KCNQ1: variants seen among roughly 807,000 people sequenced by gnomAD.
KCNQ1 encodes potassium voltage-gated channel subfamily KQT member 1.
KCNQ1 carries 49 observed loss-of-function variants against 72.4 expected under a neutral mutation model. That is an observed-to-expected ratio of 0.68 (90% confidence interval 0.54 to 0.86). The LOEUF (loss-of-function observed/expected upper bound fraction) is 0.86. KCNQ1 is among the 40% of genes least tolerant of loss of function. The pLI, the probability that KCNQ1 is intolerant of heterozygous loss-of-function variation, is 0.00. For synonymous variants in KCNQ1, 450 were observed against 412.6 expected, an observed-to-expected ratio of 1.09 and a Z score of -1.10; for missense variants, 790 against 945.1, an observed-to-expected ratio of 0.84 and a Z score of 2.15.
Position 2,551,726 on chromosome 11 carries a change from C to T in KCNQ1, c.478-18902C>T, listed in dbSNP as rs114394969. 4.5e-3 allele frequency among the ~76,000 whole-genome samples: 681 copies of T among 152,344 alleles called. 17 individuals carry two copies. Among genetic ancestry groups the T allele is most frequent in the Admixed American group, 0.04 (609 of 15,304 alleles). ...GTTTTCCACTCTTACCATCAATGTA[C>T]GAGCATTCTGGCTCCTATGGATTCT... On this transcript the variant is annotated intron_variant, in intron 2 of 15. Coordinates refer to ENST00000155840, the MANE Select transcript of KCNQ1 (RefSeq NM_000218.3).
intron 2 of KCNQ1, among the ~76,000 whole-genome samples, chr11:2,535,443 C>T (rs999030888): frequency 6.6e-6 from 1 of 152,256 alleles, no homozygotes; most frequent in Non-Finnish European, 1.5e-5. Context: ...CTTGAAGCCA[C>T]TGCCCTGTGG....
intron 11 of KCNQ1, among the ~76,000 whole-genome samples, chr11:2,753,931 G>C (rs1846262574): frequency 6.6e-6 from 1 of 152,208 alleles, no homozygotes; most frequent in African/African-American, 2.4e-5. Flanking sequence ...GATAAGGGAT[G>C]TGTATCCAGA....
chr11:2,823,262 T>C (rs1847774999), intron 15 of KCNQ1, among the ~76,000 whole-genome samples: 1 of 152,156 alleles, frequency 6.6e-6, no homozygotes, highest in Non-Finnish European at 1.5e-5. Flanking sequence ...TAGAGAAAAT[T>C]TATGAAGAGA....
chr11:2,534,320 G>A (rs1317989385), intron 2 of KCNQ1, among the ~76,000 whole-genome samples: 4 of 152,244 alleles, frequency 2.6e-5, no homozygotes, highest in Non-Finnish European at 1.5e-5. Flanking sequence ...CTCTGATGAG[G>A]AGCCTGCTCT....
In KCNQ1 at chr11:2,620,133, T is replaced by C; in HGVS notation, c.1393+31279T>C. 2.5e-6 allele frequency: 1 copy of C among 397,944 alleles called. No individual in the cohort carries two copies. Among genetic ancestry groups the C allele is most frequent in the Middle Eastern group, 6.3e-4 (1 of 1,584 alleles). 24.7% of individuals were successfully genotyped at this position (397,944 alleles called of 1,614,324 possible). On this transcript the variant is annotated intron_variant, in intron 10 of 15. Transcript: ENST00000155840. The surrounding 1 kb of genome is among the most constrained non-coding windows in gnomAD (Gnocchi z 4.5). ...AGTATTTGGTTTTCTGTTCCTGCAT[T>C]AATTTGCTTAAGATAGTGGCCTCTA...
chr11:2,731,664 C>G (rs545840838), intron 11 of KCNQ1, among the ~76,000 whole-genome samples: 1 of 152,216 alleles, frequency 6.6e-6, no homozygotes, highest in Non-Finnish European at 1.5e-5. Context: ...GAATCACCCC[C>G]AGCAGCGCAC....
At position 2,517,997 on chromosome 11, in the gene KCNQ1, A is replaced by G. The variant is rs577852218; in HGVS notation, c.387-9931A>G. On this transcript the variant is annotated intron_variant, in intron 1 of 15. Transcript: ENST00000155840. The stretch of plus-strand genomic sequence containing the variant: ...TCTAAGGAGCCTAACTCACTTCCAG[A>G]TTCACCCGGAGGCCTGCATGGAGGA... Among the ~76,000 whole-genome samples the G allele has an allele frequency of 3.1e-4, 47 of 152,336 alleles. No individual in the cohort carries two copies. In the South Asian group the frequency reaches 9.7e-3, roughly 32 times the overall value.
rs998229949 is a variant in KCNQ1, at chr11:2,463,230, T to C, written c.386+17746T>C. Among the ~76,000 whole-genome samples the C allele has an allele frequency of 5.9e-5, 9 of 152,138 alleles. No homozygotes were observed. Among genetic ancestry groups the C allele is most frequent in the African/African-American group, 2.2e-4 (9 of 41,404 alleles). On this transcript the variant is annotated intron_variant, in intron 1 of 15. Transcript: ENST00000155840. This position sits in a 1 kb window ranked among gnomAD's most constrained non-coding sequence, Gnocchi z 7.0. ...GGGACCATTGACTTTACTGTGTGCCTGGAGAGCCTAATCCCTACCTGCCAG... is the reference window on the plus strand; with the variant it reads ...GGGACCATTGACTTTACTGTGTGCCCGGAGAGCCTAATCCCTACCTGCCAG...
rs1848919751 is a variant in KCNQ1 at position 2,608,557 on chromosome 11, C to T, written c.1393+19703C>T. 1 of 398,452 alleles carries T rather than the reference C, an allele frequency of 2.5e-6. No homozygotes were observed. The highest frequency in any genetic ancestry group is 1.3e-4 in the South Asian group (1 of 7,862). The allele number at this position is 398,452 out of a possible 1,614,324, so 24.7% of individuals were successfully genotyped here. On this transcript the variant is annotated intron_variant, in intron 10 of 15. Transcript: ENST00000155840. This position sits in a 1 kb window ranked among gnomAD's most constrained non-coding sequence, Gnocchi z 4.6. ...GTGGTGTAATCATAGCTCACTGTAA[C>T]CTCGATCTCCTAGTCTCAAGTGATC...
At chr11:2,490,096 C>G (rs1846809701) in intron 1 of KCNQ1, among the ~76,000 whole-genome samples, 1 of 152,192 alleles carries the variant, frequency 6.6e-6, no homozygotes, top group Non-Finnish European at 1.5e-5. Context: ...GACTGAAGAG[C>G]CCTCAGGCCT....
At chr11:2,760,637 C>A (rs764689980) in intron 11 of KCNQ1, among the ~76,000 whole-genome samples, 7 of 152,162 alleles carry the variant, frequency 4.6e-5, no homozygotes, top group Non-Finnish European at 1.0e-4. Context: ...GCACCAGCCC[C>A]GGGCCCTCAG....
At chr11:2,586,255 G>A (rs1366722855) in intron 8 of KCNQ1, among the ~76,000 whole-genome samples, 1 of 152,200 alleles carries the variant, frequency 6.6e-6, no homozygotes, top group Non-Finnish European at 1.5e-5. Context: ...TGCAGTCCTC[G>A]TGAGCTCGCT....
rs1157414208 is a variant in KCNQ1, at chr11:2,664,780, G to A, written c.1514+2699G>A. 1 of 398,646 alleles carries A rather than the reference G, an allele frequency of 2.5e-6. No individual in the cohort carries two copies. The highest frequency in any genetic ancestry group is 2.1e-5 in the African/African-American group (1 of 48,632). 24.7% of individuals were successfully genotyped at this position (398,646 alleles called of 1,614,324 possible). A position where few individuals can be genotyped will look rare whatever the true frequency, so the allele number is the denominator to read the frequency against. On this transcript the variant is annotated intron_variant, in intron 11 of 15. Coordinates refer to ENST00000155840, the MANE Select transcript of KCNQ1 (RefSeq NM_000218.3). This position sits in a 1 kb window ranked among gnomAD's most constrained non-coding sequence, Gnocchi z 5.1. ...GTCTCACAGGGGGCAGAGTGGGTGG[G>A]AGGCAGTTACCAAAAAACATTTCCA...
chr11:2,681,116 C>T (rs565554114), intron 11 of KCNQ1: 18 of 398,486 alleles, frequency 4.5e-5, no homozygotes, highest in South Asian at 1.3e-4. Flanking sequence ...AGATGCCCCC[C>T]AAAAAAGCAC....
intron 15 of KCNQ1, among the ~76,000 whole-genome samples, chr11:2,779,181 G>A (rs935237967): frequency 2.6e-5 from 4 of 152,170 alleles, no homozygotes; most frequent in South Asian, 2.1e-4. Flanking sequence ...GGGAGATAGC[G>A]CCCATCTGGC....
At position 2,498,611 on chromosome 11, in the gene KCNQ1, C is replaced by T. The variant is rs1188041425; in HGVS notation, c.387-29317C>T. On this transcript the variant is annotated intron_variant, in intron 1 of 15. Transcript: ENST00000155840. The surrounding 1 kb of genome is among the most constrained non-coding windows in gnomAD (Gnocchi z 4.8). ...AGAATTTGAAGCCAGTGGTTCTTAG[C>T]TTGCTGGGCTCCATGGGAGTGGGAC... Among the ~76,000 whole-genome samples the T allele has an allele frequency of 6.6e-6, 1 of 152,230 alleles. No individual in the cohort carries two copies. Among genetic ancestry groups the T allele is most frequent in the Non-Finnish European group, 1.5e-5 (1 of 68,032 alleles).
chr11:2,516,703 G>A lies in KCNQ1; in HGVS notation c.387-11225G>A, dbSNP rs946322246. Among the ~76,000 whole-genome samples, 20 of 152,156 alleles carry A rather than the reference G, an allele frequency of 1.3e-4. No individual in the cohort carries two copies. Among genetic ancestry groups the A allele is most frequent in the African/African-American group, 4.8e-4 (20 of 41,416 alleles). ...CATGCTACGGCCACCACCTGATTTTGTCGATAAAGTTTTATTAGGACACAG... is the reference window on the plus strand; with the variant it reads ...CATGCTACGGCCACCACCTGATTTTATCGATAAAGTTTTATTAGGACACAG... On this transcript the variant is annotated intron_variant, in intron 1 of 15. Coordinates refer to ENST00000155840, the MANE Select transcript of KCNQ1 (RefSeq NM_000218.3). The surrounding 1 kb of genome is among the most constrained non-coding windows in gnomAD (Gnocchi z 7.0).
At chr11:2,573,642 T>C (rs1287001188) in intron 6 of KCNQ1, among the ~76,000 whole-genome samples, 4 of 150,160 alleles carry the variant, frequency 2.7e-5, no homozygotes, top group African/African-American at 7.4e-5. Flanking sequence ...CCCCTGGCTG[T>C]GAAGGTGGGT....
chr11:2,461,854 A>C, intron 1 of KCNQ1: 5 of 427,058 alleles, frequency 1.2e-5, no homozygotes, highest in Non-Finnish European at 2.2e-5. Context: ...GGAGAGAGAA[A>C]GGGGTGGGTG....
Sources: allele counts gnomAD v4.1 joint callset (sites outside exome capture counted in the v4.1 genomes callset), GRCh38; gene constraint gnomAD v4.1.1; non-coding constraint Gnocchi (gnomAD v3.1); transcripts MANE v1.5; gene names NCBI Gene and HGNC (gene_info 2026-07-23, HGNC 2026-07-21).